Variants in PRKG1 observed in about 807,000 individuals in gnomAD.
PRKG1 encodes the protein cGMP-dependent protein kinase 1.
Under a neutral mutation model 88.1 loss-of-function variants are expected in PRKG1, and 35 were observed. The observed-to-expected ratio is 0.40, with a 90% confidence interval of 0.30 to 0.53. The LOEUF (loss-of-function observed/expected upper bound fraction) is 0.53, where lower values mean the gene tolerates loss of function less well. PRKG1 is among the 20% of genes least tolerant of loss of function. The pLI, the probability that PRKG1 is intolerant of heterozygous loss-of-function variation, is 0.59. For synonymous variants in PRKG1, 303 were observed against 292.5 expected, an observed-to-expected ratio of 1.04 and a Z score of -0.37; for missense variants, 540 against 839.8, an observed-to-expected ratio of 0.64 and a Z score of 4.41.
intron 1 of PRKG1, among the ~76,000 whole-genome samples, chr10:51,059,654 A>G (rs565158373): frequency 6.6e-6 from 1 of 152,174 alleles, no homozygotes; most frequent in African/African-American, 2.4e-5. Context: ...ATTTTTGTTC[A>G]TTTCCAGTTT....
chr10:51,547,227 A>T (rs1250317473), intron 3 of PRKG1, among the ~76,000 whole-genome samples: 1 of 152,116 alleles, frequency 6.6e-6, no homozygotes, highest in Admixed American at 6.6e-5. Context: ...TTTTGAGAAT[A>T]TTCACATCTG....
chr10:51,941,328 C>T (rs1842901960), intron 5 of PRKG1, among the ~76,000 whole-genome samples: 1 of 151,890 alleles, frequency 6.6e-6, no homozygotes, highest in Non-Finnish European at 1.5e-5. Flanking sequence ...AAATTGAAAC[C>T]TTCAGTGTAT....
intron 3 of PRKG1, among the ~76,000 whole-genome samples, chr10:51,493,606 A>G (rs925912095): frequency 4.6e-5 from 7 of 152,120 alleles, no homozygotes; most frequent in African/African-American, 1.7e-4. Context: ...GCTTGGATTG[A>G]TAGTGGTTCC....
At chr10:51,834,713 AAAGAG>A (rs1840087666) in intron 4 of PRKG1, among the ~76,000 whole-genome samples, 1 of 151,134 alleles carries the variant, frequency 6.6e-6, no homozygotes, top group African/African-American at 2.5e-5. Context: ...AGAGAAAGAG[AAAGAG>A]AAAGAAAAGA....
At chr10:51,792,672 T>C (rs1838898235) in intron 3 of PRKG1, among the ~76,000 whole-genome samples, 1 of 152,060 alleles carries the variant, frequency 6.6e-6, no homozygotes, top group African/African-American at 2.4e-5. Context: ...TCCGCCAAAA[T>C]GGAAAAAGGC....
intron 2 of PRKG1, among the ~76,000 whole-genome samples, chr10:51,415,441 C>T (rs550819066): frequency 1.3e-5 from 2 of 152,148 alleles, no homozygotes; most frequent in South Asian, 4.1e-4. Flanking sequence ...TGGGGAGGCT[C>T]CCAAAATTAA....
intron 12 of PRKG1, among the ~76,000 whole-genome samples, chr10:52,276,864 A>G (rs1841885004): frequency 6.6e-6 from 1 of 152,194 alleles, no homozygotes; most frequent in Non-Finnish European, 1.5e-5. Flanking sequence ...TTTAAAATCC[A>G]CAAGTTATCT....
At chr10:51,352,998 T>C (rs955455890) in intron 2 of PRKG1, among the ~76,000 whole-genome samples, 1 of 152,090 alleles carries the variant, frequency 6.6e-6, no homozygotes, top group African/African-American at 2.4e-5. Context: ...TCCACACATC[T>C]ACAGTGAACT....
intron 2 of PRKG1, among the ~76,000 whole-genome samples, chr10:51,432,252 C>T (rs1488704570): frequency 6.6e-6 from 1 of 152,038 alleles, no homozygotes; most frequent in South Asian, 2.1e-4. Context: ...GTATTAATAT[C>T]CCTCTTATTT....
At chr10:51,595,810 A>G (rs1838430987) in intron 3 of PRKG1, among the ~76,000 whole-genome samples, 3 of 151,938 alleles carry the variant, frequency 2.0e-5, no homozygotes, top group Admixed American at 6.6e-5. Context: ...TACTTTTACC[A>G]TTAGTACTTA....
chr10:51,190,075 T>C (rs1180706238), intron 2 of PRKG1, among the ~76,000 whole-genome samples: 1 of 151,982 alleles, frequency 6.6e-6, no homozygotes, highest in African/African-American at 2.4e-5. Flanking sequence ...AGTGGTTATA[T>C]GTGTGACTAA....
At chr10:51,555,780 G>T (rs1365236640) in intron 3 of PRKG1, among the ~76,000 whole-genome samples, 2 of 151,974 alleles carry the variant, frequency 1.3e-5, no homozygotes, top group Admixed American at 6.6e-5. Flanking sequence ...CTGGAAGGTA[G>T]GGGAAGAGGA....
intron 7 of PRKG1, among the ~76,000 whole-genome samples, chr10:52,094,186 G>T (rs1445729507): frequency 1.3e-5 from 2 of 152,038 alleles, no homozygotes; most frequent in Non-Finnish European, 2.9e-5. Flanking sequence ...TATTATGCTT[G>T]ACAAAATGAT....
chr10:51,114,012 G>A (rs922882228), intron 1 of PRKG1, among the ~76,000 whole-genome samples: 2 of 150,784 alleles, frequency 1.3e-5, no homozygotes, highest in African/African-American at 2.4e-5. Context: ...AACTAAAACT[G>A]TGTTTCTTTC....
intron 5 of PRKG1, among the ~76,000 whole-genome samples, chr10:52,030,950 A>G (rs1376986582): frequency 6.6e-6 from 1 of 152,218 alleles, no homozygotes; most frequent in Admixed American, 6.5e-5. Flanking sequence ...ACATTATAAT[A>G]CAACAGCATC....
intron 3 of PRKG1, among the ~76,000 whole-genome samples, chr10:51,582,298 G>A (rs1838060470): frequency 6.6e-6 from 1 of 152,164 alleles, no homozygotes; most frequent in Non-Finnish European, 1.5e-5. Context: ...TGCAGTGAGA[G>A]TAGCTGCTTT....
chr10:51,956,810 T>A (rs545305883), intron 5 of PRKG1, among the ~76,000 whole-genome samples: 1 of 152,220 alleles, frequency 6.6e-6, no homozygotes, highest in South Asian at 2.1e-4. Context: ...TTTTCCTTAC[T>A]CCCATGTAAA....
intron 9 of PRKG1, among the ~76,000 whole-genome samples, chr10:52,230,212 T>G (rs1053160184): frequency 1.3e-5 from 2 of 152,314 alleles, no homozygotes; most frequent in Non-Finnish European, 2.9e-5. Context: ...AACACCTTAC[T>G]TATCTCTAGT....
intron 4 of PRKG1, among the ~76,000 whole-genome samples, chr10:51,877,250 A>G (rs951958073): frequency 3.3e-5 from 5 of 152,074 alleles, no homozygotes; most frequent in African/African-American, 1.2e-4. Context: ...CTTTCTTTTC[A>G]GGAGGTTCAG....
Sources: gnomAD v4.1 joint callset for allele counts (sites outside exome capture counted in the v4.1 genomes callset) on GRCh38, gnomAD v4.1.1 for gene constraint, MANE v1.5 for transcripts, NCBI Gene and HGNC (gene_info 2026-07-23, HGNC 2026-07-21) for gene names.